Variants in RPS6KC1 observed in about 807,000 individuals in gnomAD.
The protein encoded by RPS6KC1 is ribosomal protein S6 kinase C1.
A neutral mutation model predicts 103.8 loss-of-function variants in RPS6KC1; 54 were observed. The observed-to-expected ratio is 0.52, with a 90% confidence interval of 0.42 to 0.65. RPS6KC1 has a LOEUF of 0.65. Among genes scored for constraint, RPS6KC1 ranks in the 30% least tolerant of loss-of-function variants. The pLI is 0.00. For missense variants in RPS6KC1, 1,151 were observed against 1,253.8 expected (o/e 0.92, Z 1.24); for synonymous variants, 439 against 438.7 (o/e 1.00, Z -0.01).
chr1:213,589,754 C>A, the RPS6KC1 span, among the ~76,000 whole-genome samples: 1 of 152,052 alleles, frequency 6.6e-6, no homozygotes, highest in Non-Finnish European at 1.5e-5. Flanking sequence ...ACCCATTAAC[C>A]TTCTAAGATC....
chr1:213,364,222 T>C, the RPS6KC1 span, among the ~76,000 whole-genome samples: 5 of 152,226 alleles, frequency 3.3e-5, no homozygotes, highest in African/African-American at 1.2e-4. Flanking sequence ...ATTTGGACGA[T>C]GGGCCATCGT....
chr1:213,264,384 G>A (rs945345293), intron 14 of RPS6KC1, among the ~76,000 whole-genome samples: 8 of 152,022 alleles, frequency 5.3e-5, no homozygotes, highest in African/African-American at 1.9e-4. Flanking sequence ...TATTCGTTGT[G>A]GCACGAGATA....
At chr1:213,624,936 G>C in the RPS6KC1 span, among the ~76,000 whole-genome samples, 1 of 152,056 alleles carries the variant, frequency 6.6e-6, no homozygotes, top group Non-Finnish European at 1.5e-5. Context: ...TCAGTCTATA[G>C]CATAGATTAA....
intron 8 of RPS6KC1, among the ~76,000 whole-genome samples, chr1:213,188,764 C>T (rs1419301261): frequency 1.3e-5 from 2 of 151,476 alleles, no homozygotes; most frequent in African/African-American, 2.4e-5. Flanking sequence ...AGCAGACTCA[C>T]CATAGATGTA....
intron 14 of RPS6KC1, among the ~76,000 whole-genome samples, chr1:213,268,820 T>C (rs1434323191): frequency 6.6e-6 from 1 of 151,594 alleles, no homozygotes; most frequent in Non-Finnish European, 1.5e-5. Context: ...AGATGCATAT[T>C]GTAGGGATAC....
intron 4 of RPS6KC1, among the ~76,000 whole-genome samples, chr1:213,111,099 C>T (rs756987463): frequency 2.0e-5 from 3 of 152,018 alleles, no homozygotes; most frequent in Non-Finnish European, 4.4e-5. Context: ...ACATCACAGA[C>T]GTCCATAGTT....
chr1:213,814,789 T>C, the RPS6KC1 span, among the ~76,000 whole-genome samples: 17 of 152,208 alleles, frequency 1.1e-4, no homozygotes, highest in Non-Finnish European at 2.1e-4. Context: ...GAGTAACTTA[T>C]TCCAAGTCAC....
chr1:213,068,196 G>C (rs2078501926), intron 1 of RPS6KC1, among the ~76,000 whole-genome samples: 1 of 152,062 alleles, frequency 6.6e-6, no homozygotes, highest in Non-Finnish European at 1.5e-5. Flanking sequence ...TCATAAAAAT[G>C]TAAGAACGGC....
the RPS6KC1 span, among the ~76,000 whole-genome samples, chr1:213,533,356 G>T: frequency 1.3e-5 from 2 of 152,234 alleles, no homozygotes; most frequent in Non-Finnish European, 2.9e-5. Context: ...AGAGAAACAA[G>T]AATCAGGAGG....
At chr1:213,698,932 A>C in the RPS6KC1 span, among the ~76,000 whole-genome samples, 2 of 151,810 alleles carry the variant, frequency 1.3e-5, no homozygotes, top group Non-Finnish European at 2.9e-5. Context: ...GTGGGTACAT[A>C]GTAGGTGTAT....
chr1:213,246,761 C>G (rs897235239), intron 12 of RPS6KC1, among the ~76,000 whole-genome samples: 1 of 144,764 alleles, frequency 6.9e-6, no homozygotes, highest in Non-Finnish European at 1.5e-5. Flanking sequence ...ATATAAAATA[C>G]AAAAAAAAAA....
At chr1:213,265,841 T>C (rs147311545) in intron 14 of RPS6KC1, among the ~76,000 whole-genome samples, 92 of 152,322 alleles carry the variant, frequency 6.0e-4, no homozygotes, top group African/African-American at 2.1e-3. Context: ...GATCTCACTT[T>C]TGTGAGGCAG....
At chr1:213,609,242 T>C in the RPS6KC1 span, among the ~76,000 whole-genome samples, 2 of 152,356 alleles carry the variant, frequency 1.3e-5, no homozygotes, top group East Asian at 1.9e-4. Context: ...CTTTCTATTC[T>C]TACCTTTGTA....
chr1:213,485,223 G>A, the RPS6KC1 span, among the ~76,000 whole-genome samples: 1 of 152,114 alleles, frequency 6.6e-6, no homozygotes, highest in Non-Finnish European at 1.5e-5. Flanking sequence ...CAATCCTGCT[G>A]GGGAACTCTG....
chr1:213,779,621 T>C, the RPS6KC1 span, among the ~76,000 whole-genome samples: 1 of 152,206 alleles, frequency 6.6e-6, no homozygotes, highest in Non-Finnish European at 1.5e-5. Context: ...CTGAGTTGCA[T>C]CATGGCTAGG....
At chr1:213,537,524 A>G in the RPS6KC1 span, among the ~76,000 whole-genome samples, 534 of 152,330 alleles carry the variant, frequency 3.5e-3, 1 homozygote, top group African/African-American at 0.012. Flanking sequence ...TGAAGACTCA[A>G]TGAGACACAT....
chr1:213,453,697 A>G, the RPS6KC1 span, among the ~76,000 whole-genome samples: 24 of 152,154 alleles, frequency 1.6e-4, no homozygotes, highest in Non-Finnish European at 4.4e-5. Context: ...AAAAAGTTGA[A>G]AGTCGCTGAA....
At chr1:213,649,912 C>T in the RPS6KC1 span, among the ~76,000 whole-genome samples, 2 of 152,112 alleles carry the variant, frequency 1.3e-5, no homozygotes, top group Non-Finnish European at 2.9e-5. Flanking sequence ...CATTTGATCC[C>T]GAGCAATATC....
At chr1:213,091,313 G>A (rs1046782467) in intron 3 of RPS6KC1, among the ~76,000 whole-genome samples, 13 of 152,126 alleles carry the variant, frequency 8.5e-5, no homozygotes, top group Middle Eastern at 3.4e-3. Flanking sequence ...GCCTGCCTCA[G>A]CCTCCCAAAG....
Sources: allele counts gnomAD v4.1 joint callset (sites outside exome capture counted in the v4.1 genomes callset), GRCh38; gene constraint gnomAD v4.1.1; transcripts MANE v1.5; gene names NCBI Gene and HGNC (gene_info 2026-07-23, HGNC 2026-07-21).